The following PTPRD variants were observed in gnomAD, a reference collection of about 807,000 sequenced individuals.
PTPRD encodes protein tyrosine phosphatase receptor type D, also known as receptor-type tyrosine-protein phosphatase delta.
Under a neutral mutation model 214.5 loss-of-function variants are expected in PTPRD, and 34 were observed. The observed-to-expected ratio is 0.16, with a 90% CI of 0.12 to 0.21. PTPRD has a LOEUF of 0.21. Among genes scored for constraint, PTPRD ranks in the 10% least tolerant of loss-of-function variants. The pLI, the probability that PTPRD is intolerant of heterozygous loss-of-function variation, is 1.00. For missense variants in PTPRD, 2,545 were observed against 2,398.7 expected (o/e 1.06, Z -1.27); for synonymous variants, 1,128 against 845.7 (o/e 1.33, Z -5.79).
intron 14 of PTPRD, among the ~76,000 whole-genome samples, chr9:8,544,172 T>G (rs2079234390): frequency 1.4e-5 from 2 of 146,794 alleles, no homozygotes; most frequent in Non-Finnish European, 3.0e-5. Context: ...TACTTTTTTT[T>G]TTTTTTTTTT....
intron 2 of PTPRD, among the ~76,000 whole-genome samples, chr9:10,457,162 T>TCAGTAA (rs1458303319): frequency 3.3e-5 from 5 of 151,960 alleles, no homozygotes; most frequent in African/African-American, 1.2e-4. Flanking sequence ...AGCTGGAGTT[T>TCAGTAA]CAGTAACAGT....
rs544285453 is a variant in PTPRD at position 8,349,855 on chromosome 9, C to T, written c.4662-7877G>A. On this transcript the variant is annotated intron_variant, in intron 39 of 45. Coordinates refer to ENST00000381196, the MANE Select transcript of PTPRD (RefSeq NM_002839.4). ...TTATTTTCCGGTGAGGACAACTATT[C>T]CACTAATGAGAATCAGAACACAAAC... Among the ~76,000 whole-genome samples the T allele has an allele frequency of 2.6e-5, 4 of 151,704 alleles. No homozygotes were observed. In the East Asian group the frequency reaches 7.7e-4, roughly 29 times the overall value.
chr9:8,543,638 G>T (rs986472959), intron 14 of PTPRD, among the ~76,000 whole-genome samples: 2 of 152,198 alleles, frequency 1.3e-5, no homozygotes, highest in Admixed American at 1.3e-4. Flanking sequence ...GGCACATGTT[G>T]TCATTTTTCC....
intron 35 of PTPRD, among the ~76,000 whole-genome samples, chr9:8,432,234 C>T (rs897902850): frequency 1.3e-5 from 2 of 152,220 alleles, no homozygotes; most frequent in Non-Finnish European, 2.9e-5. Context: ...ATTGAGACTA[C>T]TTAAATTCCA....
chr9:9,634,265 A>G (rs1039578829), intron 7 of PTPRD, among the ~76,000 whole-genome samples: 8 of 152,132 alleles, frequency 5.3e-5, no homozygotes, highest in African/African-American at 1.9e-4. Flanking sequence ...GTACCTAAAA[A>G]CACCTAATGT....
At position 10,196,732 on chromosome 9, in the gene PTPRD, CAT is replaced by C. The variant is rs2099399797; in HGVS notation, c.-545+144229_-545+144230del. 2.6e-5 allele frequency among the ~76,000 whole-genome samples: 4 copies of C among 152,204 alleles called. No individual in the cohort carries two copies. In the South Asian group the frequency reaches 8.3e-4, roughly 32 times the overall value. On this transcript the variant is annotated intron_variant, in intron 3 of 45. Coordinates refer to ENST00000381196, the MANE Select transcript of PTPRD (RefSeq NM_002839.4). ...TTAAAATATACATAAAACAAACAAA[CAT>C]AGTGCAGTGGACTGAATGTTTGCAT...
chr9:10,206,077 C>T (rs1352290736), intron 3 of PTPRD, among the ~76,000 whole-genome samples: 1 of 145,796 alleles, frequency 6.9e-6, no homozygotes, highest in African/African-American at 2.5e-5. Flanking sequence ...TCAGGGAGGG[C>T]ATCACAGAGC....
intron 3 of PTPRD, among the ~76,000 whole-genome samples, chr9:10,076,099 C>T (rs1332018105): frequency 6.6e-6 from 1 of 152,066 alleles, no homozygotes; most frequent in African/African-American, 2.4e-5. Flanking sequence ...ATTTTCACTG[C>T]CAACATCTTC....
chr9:10,054,462 C>G (rs1198716079), intron 3 of PTPRD, among the ~76,000 whole-genome samples: 1 of 152,136 alleles, frequency 6.6e-6, no homozygotes, highest in Admixed American at 6.6e-5. Flanking sequence ...GAAAGGCTTC[C>G]TTCTAACTAA....
intron 3 of PTPRD, among the ~76,000 whole-genome samples, chr9:10,291,676 A>C (rs73644408): frequency 0.013 from 1,980 of 152,172 alleles, 45 homozygotes; most frequent in African/African-American, 0.045. Flanking sequence ...CTACAGTCTC[A>C]GAAGGGAAAG....
intron 8 of PTPRD, among the ~76,000 whole-genome samples, chr9:9,467,603 A>AAAAAAAAAAAAAAAAAAAAAAG (rs2094295820): frequency 6.7e-6 from 1 of 149,468 alleles, no homozygotes; most frequent in Non-Finnish European, 1.5e-5. Flanking sequence ...AAAAAAAAAA[A>AAAAAAAAAAAAAAAAAAAAAAG]AAAAAAAGTT....
chr9:8,585,542 T>A (rs2093579953), intron 14 of PTPRD, among the ~76,000 whole-genome samples: 2 of 152,168 alleles, frequency 1.3e-5, no homozygotes, highest in South Asian at 4.1e-4. Flanking sequence ...TTCATTTGGG[T>A]CACATTAATG....
chr9:10,518,555 C>T (rs1311994965), intron 2 of PTPRD, among the ~76,000 whole-genome samples: 21 of 149,588 alleles, frequency 1.4e-4, no homozygotes, highest in East Asian at 2.0e-4. Flanking sequence ...TTTTTTGAGA[C>T]GGAGTCTCGC....
intron 7 of PTPRD, among the ~76,000 whole-genome samples, chr9:9,717,162 G>A (rs1246414226): frequency 6.6e-6 from 1 of 152,040 alleles, no homozygotes. Flanking sequence ...GATAGTTGTA[G>A]ATATGCGGCG....
At chr9:9,202,328 T>A (rs547236001) in intron 9 of PTPRD, among the ~76,000 whole-genome samples, 1 of 152,362 alleles carries the variant, frequency 6.6e-6, no homozygotes, top group Non-Finnish European at 1.5e-5. Context: ...ATTTACTGAA[T>A]ACTTCTCTTT....
chr9:8,323,988 C>T (rs1268836851), intron 44 of PTPRD, among the ~76,000 whole-genome samples: 1 of 152,018 alleles, frequency 6.6e-6, no homozygotes, highest in Non-Finnish European at 1.5e-5. Context: ...CTACAGCCAC[C>T]TCACCCTTCA....
intron 3 of PTPRD, among the ~76,000 whole-genome samples, chr9:10,307,850 G>C (rs1235264114): frequency 6.6e-6 from 1 of 151,522 alleles, no homozygotes; most frequent in African/African-American, 2.4e-5. Flanking sequence ...TTAATTTTGT[G>C]CCATTTGTAT....
intron 20 of PTPRD, among the ~76,000 whole-genome samples, chr9:8,520,379 T>C (rs2097863678): frequency 1.3e-5 from 2 of 152,152 alleles, no homozygotes; most frequent in Non-Finnish European, 2.9e-5. Context: ...ATACCAATTA[T>C]AACGTGTATT....
chr9:9,857,762 C>T (rs940103003), intron 5 of PTPRD, among the ~76,000 whole-genome samples: 17 of 152,158 alleles, frequency 1.1e-4, no homozygotes, highest in Admixed American at 2.0e-4. Flanking sequence ...ACACTCCTCA[C>T]GGACCACACA....
Sources: allele counts gnomAD v4.1 joint callset (sites outside exome capture counted in the v4.1 genomes callset), GRCh38; gene constraint gnomAD v4.1.1; transcripts MANE v1.5; gene names NCBI Gene and HGNC (gene_info 2026-07-23, HGNC 2026-07-21).